The following PARD3B variants were observed in gnomAD, a reference collection of about 807,000 sequenced individuals.
PARD3B encodes par-3 family cell polarity regulator beta.
Under a neutral mutation model 130.2 loss-of-function variants are expected in PARD3B, and 103 were observed. The observed-to-expected ratio is 0.79, with a 90% confidence interval of 0.67 to 0.93. The LOEUF (loss-of-function observed/expected upper bound fraction) is 0.93. PARD3B is among the 40% of genes least tolerant of loss of function. PARD3B has a pLI of 0.00. For missense variants in PARD3B, 1,609 were observed against 1,499.2 expected, an observed-to-expected ratio of 1.07 and a Z score of -1.21; for synonymous variants, 583 against 553.2, an observed-to-expected ratio of 1.05 and a Z score of -0.76.
intron 18 of PARD3B, among the ~76,000 whole-genome samples, chr2:205,373,758 T>A (rs1053805854): frequency 9.2e-5 from 14 of 152,216 alleles, no homozygotes; most frequent in African/African-American, 3.4e-4. Context: ...TGATCTTGTT[T>A]AAACCCACTT....
intron 1 of PARD3B, among the ~76,000 whole-genome samples, chr2:204,568,511 T>G (rs2125065371): frequency 6.6e-6 from 1 of 152,336 alleles, no homozygotes; most frequent in African/African-American, 2.4e-5. Context: ...AAAAAATTTT[T>G]TTAAGATCAT....
intron 16 of PARD3B, among the ~76,000 whole-genome samples, chr2:205,270,577 CAAAAA>C (rs1159484720): frequency 2.0e-5 from 3 of 149,948 alleles, no homozygotes; most frequent in African/African-American, 7.4e-5. Context: ...AAAAAAAAAA[CAAAAA>C]GAAAGAAAGA....
chr2:204,918,697 G>T (rs888516002), intron 2 of PARD3B, among the ~76,000 whole-genome samples: 3 of 152,018 alleles, frequency 2.0e-5, no homozygotes, highest in African/African-American at 7.2e-5. Flanking sequence ...ATTTGCAAAG[G>T]TTATAGAAAA....
At chr2:204,879,762 G>A (rs944630935) in intron 2 of PARD3B, among the ~76,000 whole-genome samples, 23 of 152,096 alleles carry the variant, frequency 1.5e-4, no homozygotes, top group African/African-American at 4.8e-4. Flanking sequence ...GGTTGGAGGC[G>A]GTTTGGCCTG....
intron 15 of PARD3B, among the ~76,000 whole-genome samples, chr2:205,208,403 C>T (rs2037437322): frequency 7.2e-6 from 1 of 139,080 alleles, no homozygotes; most frequent in African/African-American, 2.9e-5. Context: ...AAAGGGTATT[C>T]AATTAGGAAA....
chr2:204,641,098 T>TTA (rs980503297), intron 1 of PARD3B, among the ~76,000 whole-genome samples: 1 of 148,166 alleles, frequency 6.7e-6, no homozygotes, highest in Admixed American at 6.8e-5. Context: ...ATATGTACAT[T>TTA]TATATATATT....
intron 4 of PARD3B, among the ~76,000 whole-genome samples, chr2:205,072,251 T>A (rs995213579): frequency 3.3e-5 from 5 of 151,764 alleles, no homozygotes; most frequent in African/African-American, 1.2e-4. Flanking sequence ...TTTTTTTTTT[T>A]TTTTCTTCTT....
chr2:205,156,301 T>G (rs557521734), intron 10 of PARD3B, among the ~76,000 whole-genome samples: 5 of 149,708 alleles, frequency 3.3e-5, no homozygotes, highest in South Asian at 2.1e-4. Context: ...TTAGGAGATA[T>G]ACCTAATGCT....
intron 2 of PARD3B, among the ~76,000 whole-genome samples, chr2:204,738,248 G>A (rs2039844522): frequency 6.6e-6 from 1 of 152,040 alleles, no homozygotes; most frequent in South Asian, 2.1e-4. Context: ...ATTTCTTTTA[G>A]CAGTGTTTTG....
At chr2:205,056,991 AT>A (rs141591156) in intron 4 of PARD3B, among the ~76,000 whole-genome samples, 14,910 of 151,208 alleles carry the variant, frequency 0.099, 767 homozygotes, top group Non-Finnish European at 0.1. Flanking sequence ...ATTGATATTG[AT>A]ATAAGGTTAT....
At chr2:204,748,443 A>G (rs1163844833) in intron 2 of PARD3B, among the ~76,000 whole-genome samples, 1 of 152,094 alleles carries the variant, frequency 6.6e-6, no homozygotes, top group African/African-American at 2.4e-5. Context: ...TTTTCTACTC[A>G]TCTTCCTACA....
Position 205,232,193 on chromosome 2 carries a change from T to A in PARD3B, c.2141-13585T>A, listed in dbSNP as rs1302920079. On this transcript the variant is annotated intron_variant, in intron 15 of 22. Transcript: ENST00000406610. ...GGCTAAGCACAGTGGCTCATGCCTG[T>A]AATTCCAACATTTGGGGAGGCAAAG... 3.9e-5 allele frequency among the ~76,000 whole-genome samples: 6 copies of A among 152,220 alleles called. No homozygotes were observed. The East Asian group carries it at 1.2e-3, about 29-fold the overall frequency.
chr2:205,531,127 G>A (rs185402896), intron 21 of PARD3B, among the ~76,000 whole-genome samples: 8 of 152,266 alleles, frequency 5.3e-5, no homozygotes, highest in South Asian at 2.1e-4. Context: ...TTCTTCCAAC[G>A]TATGGAAGGG....
In PARD3B at chr2:204,962,272, G is replaced by A. The variant is rs565167481; in HGVS notation, c.223-2880G>A. ...GACTGGAGGGCAGACCAGAAGGAGA[G>A]AGAAGGCAGCAGAGGAGGAATCATC... On this transcript the variant is annotated intron_variant, in intron 2 of 22. Coordinates refer to ENST00000406610, the MANE Select transcript of PARD3B (RefSeq NM_001302769.2). Among the ~76,000 whole-genome samples, 5 of 152,268 alleles carry A rather than the reference G, an allele frequency of 3.3e-5. No homozygotes were observed. In the South Asian group the frequency reaches 1.0e-3, roughly 32 times the overall value.
At chr2:204,795,236 C>A (rs55642176) in intron 2 of PARD3B, among the ~76,000 whole-genome samples, 5,806 of 152,190 alleles carry the variant, frequency 0.038, 160 homozygotes, top group African/African-American at 0.07. Flanking sequence ...AGCCCTGTCC[C>A]CTTTCTCCCT....
chr2:205,362,453 T>G (rs1267761442), intron 18 of PARD3B, among the ~76,000 whole-genome samples: 3 of 152,184 alleles, frequency 2.0e-5, no homozygotes, highest in African/African-American at 7.2e-5. Context: ...CAGACAATAA[T>G]GAAGTAGGCA....
chr2:204,870,726 A>G (rs2045599390), intron 2 of PARD3B, among the ~76,000 whole-genome samples: 1 of 152,194 alleles, frequency 6.6e-6, no homozygotes, highest in Admixed American at 6.5e-5. Context: ...AATAAAAATA[A>G]TACACAAAAA....
intron 16 of PARD3B, among the ~76,000 whole-genome samples, chr2:205,278,682 T>A (rs572531504): frequency 1.3e-5 from 2 of 152,280 alleles, no homozygotes; most frequent in South Asian, 2.1e-4. Context: ...AAGTCTTCCA[T>A]AATAGAATGA....
intron 13 of PARD3B, among the ~76,000 whole-genome samples, chr2:205,185,262 T>TTG (rs141373746): frequency 0.18 from 26,549 of 150,076 alleles, 2,591 homozygotes; most frequent in African/African-American, 0.27. Context: ...GTTTGTGTGT[T>TTG]TGTGTGTGTG....
Sources: allele counts gnomAD v4.1 joint callset (sites outside exome capture counted in the v4.1 genomes callset), GRCh38; gene constraint gnomAD v4.1.1; transcripts MANE v1.5; gene names NCBI Gene and HGNC (gene_info 2026-07-23, HGNC 2026-07-21).